Variants in CDK14 observed in about 807,000 individuals in gnomAD.
The protein encoded by CDK14 is cyclin dependent kinase 14, also known as cyclin-dependent kinase 14.
In CDK14, 34 loss-of-function variants were observed where a neutral mutation model predicts 60.7. The observed-to-expected ratio is 0.56, with a 90% CI of 0.43 to 0.75. The LOEUF is 0.75. Ranked by LOEUF, CDK14 falls within the 30% of genes least tolerant of loss-of-function variation. CDK14 has a pLI of 0.00. For synonymous variants in CDK14, 197 were observed against 203.7 expected (o/e 0.97, Z 0.28); for missense variants, 482 against 564.1 (o/e 0.85, Z 1.47).
intron 14 of CDK14, among the ~76,000 whole-genome samples, chr7:91,152,654 A>G (rs1160193486): frequency 1.3e-5 from 2 of 152,202 alleles, no homozygotes; most frequent in African/African-American, 4.8e-5. Context: ...AAATAATTAG[A>G]TATTATCACA....
intron 5 of CDK14, among the ~76,000 whole-genome samples, chr7:90,843,117 T>G (rs1790352906): frequency 6.6e-6 from 1 of 152,200 alleles, no homozygotes; most frequent in Non-Finnish European, 1.5e-5. Context: ...TACATTTTCT[T>G]CACTAAGAGT....
chr7:90,964,017 A>G (rs1348145904), intron 9 of CDK14, among the ~76,000 whole-genome samples: 1 of 152,116 alleles, frequency 6.6e-6, no homozygotes, highest in Non-Finnish European at 1.5e-5. Context: ...CCTGGCCGAC[A>G]AAGGTTTTTA....
chr7:90,833,625 A>G (rs901286221), intron 5 of CDK14, among the ~76,000 whole-genome samples: 2 of 152,218 alleles, frequency 1.3e-5, no homozygotes, highest in African/African-American at 4.8e-5. Flanking sequence ...ATAAGGCAGC[A>G]TGTGGTTGGT....
intron 8 of CDK14, among the ~76,000 whole-genome samples, chr7:90,925,972 A>C (rs1334771612): frequency 6.6e-6 from 1 of 152,240 alleles, no homozygotes; most frequent in African/African-American, 2.4e-5. Flanking sequence ...CTCAGAGATT[A>C]TGTAATCCAG....
chr7:90,756,715 T>C (rs117608972), intron 4 of CDK14, among the ~76,000 whole-genome samples: 2,217 of 152,332 alleles, frequency 0.015, 21 homozygotes, highest in Middle Eastern at 0.027. Context: ...ATAATTTAAA[T>C]AGCCAACTAA....
intron 14 of CDK14, among the ~76,000 whole-genome samples, chr7:91,147,162 T>TCTCTCTCTCTCTCTCA (rs1438870514): frequency 2.3e-4 from 29 of 124,734 alleles, no homozygotes; most frequent in African/African-American, 8.9e-4. Flanking sequence ...TCTCTCTCTC[T>TCTCTCTCTCTCTCTCA]CACACACACA....
At chr7:90,659,867 CTCTCTCTCTG>C (rs1476953405) in intron 2 of CDK14, among the ~76,000 whole-genome samples, 32 of 148,676 alleles carry the variant, frequency 2.2e-4, no homozygotes, top group African/African-American at 6.8e-4. Context: ...CTCTCTCTCT[CTCTCTCTCTG>C]TGTGTGTGTG....
Position 90,984,253 on chromosome 7 carries a change from A to G in CDK14, c.1041+12A>G. 1 of 1,554,380 alleles carries G rather than the reference A, an allele frequency of 6.4e-7. No individual in the cohort carries two copies. Among genetic ancestry groups the G allele is most frequent in the Non-Finnish European group, 8.9e-7 (1 of 1,125,930 alleles). ...AACGAATATTTCTGGTAAGTCCTTT[A>G]CAGAGTATTTCTAAGAAAAATTGGT... On this transcript the variant is annotated intron_variant, in intron 10 of 14. Coordinates refer to ENST00000380050, the MANE Select transcript of CDK14 (RefSeq NM_001287135.2).
intron 5 of CDK14, among the ~76,000 whole-genome samples, chr7:90,838,810 G>T (rs551212755): frequency 6.6e-6 from 1 of 152,098 alleles, no homozygotes; most frequent in African/African-American, 2.4e-5. Context: ...AAGACAATGC[G>T]TGCCCAGCGG....
chr7:90,719,637 A>G (rs1253316349), intron 2 of CDK14, among the ~76,000 whole-genome samples: 1 of 152,194 alleles, frequency 6.6e-6, no homozygotes, highest in Admixed American at 6.5e-5. Flanking sequence ...AGACCAAATT[A>G]ATCGCTTCAG....
At position 90,715,764 on chromosome 7, in the gene CDK14, A is replaced by G. The variant is rs550487377; in HGVS notation, c.124-10803A>G. On this transcript the variant is annotated intron_variant, in intron 2 of 14. Transcript: ENST00000380050. ...AGCCACTGTGTAGCTTGATTTTTCTATTTTGTAGAGAATAGGTATTCCATT... is the reference window on the plus strand; with the variant it reads ...AGCCACTGTGTAGCTTGATTTTTCTGTTTTGTAGAGAATAGGTATTCCATT... Among the ~76,000 whole-genome samples the G allele has an allele frequency of 7.0e-5, 10 of 143,714 alleles. No homozygotes were observed. The South Asian group carries it at 1.1e-3, about 16-fold the overall frequency. 94.3% of individuals were successfully genotyped at this position (143,714 alleles called of 152,430 possible).
intron 2 of CDK14, among the ~76,000 whole-genome samples, chr7:90,610,411 C>A (rs1161723010): frequency 6.6e-6 from 1 of 152,166 alleles, no homozygotes; most frequent in Non-Finnish European, 1.5e-5. Flanking sequence ...GTGCCGCTGG[C>A]CTGTTTCCTG....
intron 14 of CDK14, among the ~76,000 whole-genome samples, chr7:91,201,629 C>T (rs963558858): frequency 5.9e-5 from 9 of 152,110 alleles, no homozygotes; most frequent in African/African-American, 2.2e-4. Context: ...TCGAAGCACA[C>T]TGAGTGGGGG....
At chr7:91,127,077 C>T (rs189595584) in intron 14 of CDK14, among the ~76,000 whole-genome samples, 75 of 152,104 alleles carry the variant, frequency 4.9e-4, no homozygotes, top group African/African-American at 1.7e-3. Flanking sequence ...TTACAGGATG[C>T]GGGCTTAACT....
intron 3 of CDK14, among the ~76,000 whole-genome samples, chr7:90,731,935 C>G (rs990279058): frequency 3.3e-5 from 5 of 152,130 alleles, no homozygotes; most frequent in African/African-American, 7.2e-5. Context: ...AAAGGGAATG[C>G]TTCCAGTTTT....
chr7:90,888,604 A>G (rs1054321608), intron 6 of CDK14, among the ~76,000 whole-genome samples: 5 of 151,904 alleles, frequency 3.3e-5, no homozygotes, highest in Non-Finnish European at 7.4e-5. Context: ...TCACCCTGTG[A>G]TTTCGAGATC....
At chr7:90,628,746 G>A (rs546918350) in intron 2 of CDK14, among the ~76,000 whole-genome samples, 62 of 152,220 alleles carry the variant, frequency 4.1e-4, no homozygotes, top group African/African-American at 1.5e-3. Context: ...CAAGGCGGGA[G>A]GATCATTTGA....
At chr7:90,687,632 T>G (rs1801464904) in intron 2 of CDK14, among the ~76,000 whole-genome samples, 1 of 151,976 alleles carries the variant, frequency 6.6e-6, no homozygotes, top group African/African-American at 2.4e-5. Context: ...ATATGCTAGG[T>G]TTTCAGAGGG....
intron 14 of CDK14, among the ~76,000 whole-genome samples, chr7:91,183,795 T>C (rs916816302): frequency 2.6e-5 from 4 of 152,254 alleles, no homozygotes; most frequent in Admixed American, 2.6e-4. Context: ...TCAGTTTCTC[T>C]ATTCACACCA....
Sources: gnomAD v4.1 joint callset for allele counts (sites outside exome capture counted in the v4.1 genomes callset) on GRCh38, gnomAD v4.1.1 for gene constraint, MANE v1.5 for transcripts, NCBI Gene and HGNC (gene_info 2026-07-23, HGNC 2026-07-21) for gene names.